PHF20: variants seen among roughly 807,000 people sequenced by gnomAD.
The protein encoded by PHF20 is PHD finger protein 20, also known as glioma-expressed antigen 2.
PHF20 carries 23 observed loss-of-function variants against 113.5 expected under a neutral mutation model. The ratio of observed to expected loss-of-function variants is 0.20; its 90% confidence interval spans 0.15 to 0.29. The LOEUF (loss-of-function observed/expected upper bound fraction) is 0.29. Ranked by LOEUF, PHF20 falls within the 10% of genes least tolerant of loss-of-function variation. The pLI is 1.00. For synonymous variants in PHF20, 434 were observed against 457.3 expected, an observed-to-expected ratio of 0.95 and a Z score of 0.65; for missense variants, 943 against 1,219.6, an observed-to-expected ratio of 0.77 and a Z score of 3.38.
At chr20:35,862,928 T>G (rs2054243545) in intron 5 of PHF20, 85 bp from the exon 6 acceptor site, 1 of 1,347,058 alleles carries the variant, frequency 7.4e-7, no homozygotes. Context: ...ATTTCTTTGT[T>G]TGTCTTCATA....
At chr20:35,861,313 T>C (rs773700206) in intron 5 of PHF20, among the ~76,000 whole-genome samples, 2 of 152,194 alleles carry the variant, frequency 1.3e-5, no homozygotes, top group Admixed American at 6.5e-5. Context: ...CAAACAGATA[T>C]CATTGTTCTT....
chr20:35,843,998 G>A lies in PHF20; in HGVS notation c.255+1254G>A, dbSNP rs369310576. On this transcript the variant is annotated intron_variant, in intron 3 of 17. Transcript: ENST00000374012. ...TGCAGTATGAAGTATTAGTTTTAAGGTTTTTTTGTTTTGTTTTGTTTTAAG... is the reference window on the plus strand; with the variant it reads ...TGCAGTATGAAGTATTAGTTTTAAGATTTTTTTGTTTTGTTTTGTTTTAAG... Among the ~76,000 whole-genome samples the A allele has an allele frequency of 7.2e-5, 11 of 152,080 alleles. No homozygotes were observed. The East Asian group carries it at 1.7e-3, about 24-fold the overall frequency.
intron 17 of PHF20, among the ~76,000 whole-genome samples, chr20:35,942,251 C>T (rs1388730105): frequency 6.6e-6 from 1 of 152,036 alleles, no homozygotes; most frequent in Non-Finnish European, 1.5e-5. Context: ...CTGTGTAACA[C>T]AGACCCTGTC....
Position 35,871,059 on chromosome 20 carries a change from G to A in PHF20, c.1027G>A (p.Asp343Asn). The A allele has an allele frequency of 6.2e-7, 1 of 1,613,448 alleles. No homozygotes were observed. The highest frequency in any genetic ancestry group is 8.5e-7 in the Non-Finnish European group (1 of 1,179,862). Residue 343 changes from aspartate (D) to asparagine (N), a missense_variant, in exon 8 of 18, where the codon GAC becomes AAC. Asp to Asn is a conservative substitution (Grantham distance 23). Coordinates refer to ENST00000374012, the MANE Select transcript of PHF20 (RefSeq NM_016436.5). ...TNGTHEILDP[D>N]LVVSDLVDTD... is the part of the protein sequence containing the mutation. The stretch of plus-strand genomic sequence containing the variant: ...TGGGACCCATGAGATCCTAGATCCT[G>A]ACTTGGTTGTATCAGATTTGGTTGA...
chr20:35,863,601 T>G (rs2054259342), intron 6 of PHF20, among the ~76,000 whole-genome samples: 2 of 152,238 alleles, frequency 1.3e-5, no homozygotes, highest in African/African-American at 4.8e-5. Flanking sequence ...TTGGGAAGCA[T>G]GTTCATAACT....
At chr20:35,862,673 G>A (rs1383884306) in intron 5 of PHF20, among the ~76,000 whole-genome samples, 1 of 152,096 alleles carries the variant, frequency 6.6e-6, no homozygotes, top group East Asian at 1.9e-4. Context: ...GGTCGAGGCT[G>A]CATGAGCCAT....
chr20:35,927,580 A>G (rs1297786970), intron 13 of PHF20, among the ~76,000 whole-genome samples, 200 bp from the exon 14 acceptor site: 2 of 152,220 alleles, frequency 1.3e-5, no homozygotes, highest in Non-Finnish European at 2.9e-5. Context: ...GTAGAGCCAC[A>G]TGTGGCTAGT....
chr20:35,889,009 C>CTTTTTTTT (rs566960589), intron 9 of PHF20, among the ~76,000 whole-genome samples: 129 of 99,166 alleles, frequency 1.3e-3, no homozygotes, highest in Non-Finnish European at 2.2e-3. Context: ...CTCTTAGTTT[C>CTTTTTTTT]TTTTTTTTTT....
chr20:35,938,295 C>T (rs2055905030), intron 15 of PHF20, among the ~76,000 whole-genome samples: 1 of 152,120 alleles, frequency 6.6e-6, no homozygotes, highest in African/African-American at 2.4e-5. Flanking sequence ...TTGGAATGCT[C>T]TTGGCCAAGA....
chr20:35,915,828 G>A (rs2055393902), intron 12 of PHF20, among the ~76,000 whole-genome samples: 1 of 152,090 alleles, frequency 6.6e-6, no homozygotes, highest in South Asian at 2.1e-4. Flanking sequence ...ATTTCATTAT[G>A]TTAACTGACA....
chr20:35,850,306 T>G (rs1003480645), intron 4 of PHF20, among the ~76,000 whole-genome samples: 4 of 106,740 alleles, frequency 3.7e-5, no homozygotes, highest in Non-Finnish European at 3.8e-5. Flanking sequence ...GTTTTTTTTT[T>G]TTTTTTTTTT....
intron 2 of PHF20, among the ~76,000 whole-genome samples, chr20:35,829,237 T>C (rs2042315812): frequency 6.6e-6 from 1 of 152,238 alleles, no homozygotes; most frequent in Non-Finnish European, 1.5e-5. Flanking sequence ...ACATACAACA[T>C]AAAATTTAGT....
chr20:35,877,541 C>T (rs961128920), intron 9 of PHF20, among the ~76,000 whole-genome samples: 14 of 151,228 alleles, frequency 9.3e-5, no homozygotes, highest in African/African-American at 3.4e-4. Flanking sequence ...CCTCCGCCTC[C>T]CAGGTTCAAG....
chr20:35,946,697 T>C (rs1426042248), intron 17 of PHF20, among the ~76,000 whole-genome samples: 1 of 149,580 alleles, frequency 6.7e-6, no homozygotes, highest in African/African-American at 2.4e-5. Flanking sequence ...TTTATTTTAT[T>C]TTATTTTATT....
intron 1 of PHF20, among the ~76,000 whole-genome samples, chr20:35,799,606 G>C (rs899847868): frequency 6.6e-6 from 1 of 152,064 alleles, no homozygotes; most frequent in Non-Finnish European, 1.5e-5. Context: ...TAGCTCCTCC[G>C]ATAGCATTTA....
chr20:35,775,048 C>T (rs977487336), intron 1 of PHF20: 1 of 152,182 alleles, frequency 6.6e-6, no homozygotes, highest in African/African-American at 2.4e-5. Flanking sequence ...ATATAGTATA[C>T]TGAAAGTGAA....
At position 35,947,784 on chromosome 20, in the gene PHF20, C is replaced by A; in HGVS notation, c.*157C>A. 1 of 731,156 alleles carries A rather than the reference C, an allele frequency of 1.4e-6. No individual in the cohort carries two copies. 45.3% of individuals were successfully genotyped at this position (731,156 alleles called of 1,614,324 possible). ...GTGTGGTGGACATTGGACAAAGAGG[C>A]CATTTTGGCTGCGGGAGGACACTCT... On this transcript the variant is annotated 3_prime_UTR_variant, in exon 18 of 18. Transcript: ENST00000374012.
At chr20:35,836,187 A>C (rs2042436801) in intron 2 of PHF20, among the ~76,000 whole-genome samples, 1 of 150,828 alleles carries the variant, frequency 6.6e-6, no homozygotes, top group African/African-American at 2.4e-5. Context: ...TTTTTTTTTA[A>C]CTTTTTTTTT....
chr20:35,890,317 A>T (rs1392967492), intron 9 of PHF20, among the ~76,000 whole-genome samples: 1 of 152,244 alleles, frequency 6.6e-6, no homozygotes, highest in African/African-American at 2.4e-5. Flanking sequence ...GGCACGAGCC[A>T]CTACACCTGA....
Sources: allele counts gnomAD v4.1 joint callset (sites outside exome capture counted in the v4.1 genomes callset), GRCh38; gene constraint gnomAD v4.1.1; transcripts MANE v1.5; gene names NCBI Gene and HGNC (gene_info 2026-07-23, HGNC 2026-07-21).